Variants in RGS7 observed in about 807,000 individuals in gnomAD.
RGS7 encodes regulator of G protein signaling 7, also known as regulator of G-protein signaling 7.
A neutral mutation model predicts 81.1 loss-of-function variants in RGS7; 27 were observed. That is an observed-to-expected ratio of 0.33 (90% CI 0.25 to 0.46). The LOEUF (loss-of-function observed/expected upper bound fraction) is 0.46, where lower values mean the gene tolerates loss of function less well. Ranked by LOEUF, RGS7 falls within the 20% of genes least tolerant of loss-of-function variation. The probability of loss-of-function intolerance (pLI) is 1.00; values close to 1 mark genes in which losing one functional copy is unlikely to be tolerated. For missense variants in RGS7, 396 were observed against 607.4 expected, an observed-to-expected ratio of 0.65 and a Z score of 3.66; for synonymous variants, 208 against 207.7, an observed-to-expected ratio of 1.00 and a Z score of -0.01.
rs924137746 is a variant in RGS7 at position 241,342,131 on chromosome 1, T to C, written c.78+13568A>G. 1.1e-4 allele frequency among the ~76,000 whole-genome samples: 17 copies of C among 152,036 alleles called. 1 individual carries two copies. Among genetic ancestry groups the C allele is most frequent in the Non-Finnish European group, 2.1e-4 (14 of 67,990 alleles). ...TCAAGAAATCTGTCCACCTCAGCCTTCCAAAGTGCTGGGATTACAGGCATG... is the reference window on the plus strand; with the variant it reads ...TCAAGAAATCTGTCCACCTCAGCCTCCCAAAGTGCTGGGATTACAGGCATG... On this transcript the variant is annotated intron_variant, in intron 2 of 18. Transcript: ENST00000440928.
intron 6 of RGS7, among the ~76,000 whole-genome samples, chr1:240,905,784 G>T (rs1018105908): frequency 6.6e-6 from 1 of 152,128 alleles, no homozygotes; most frequent in African/African-American, 2.4e-5. Flanking sequence ...TTTGTTTTTG[G>T]ACTCTACCTG....
At chr1:240,964,436 C>T (rs746270066) in intron 4 of RGS7, among the ~76,000 whole-genome samples, 2 of 151,984 alleles carry the variant, frequency 1.3e-5, no homozygotes, top group African/African-American at 4.8e-5. Flanking sequence ...CAGATAGACA[C>T]GGGAATACAA....
intron 3 of RGS7, among the ~76,000 whole-genome samples, chr1:241,093,315 T>C (rs765126169): frequency 6.6e-6 from 1 of 152,314 alleles, no homozygotes; most frequent in East Asian, 1.9e-4. Context: ...AACAGTTCTG[T>C]TCCTACACCT....
chr1:241,241,829 G>A (rs770899417), intron 2 of RGS7, among the ~76,000 whole-genome samples: 8 of 152,092 alleles, frequency 5.3e-5, no homozygotes, highest in Non-Finnish European at 1.0e-4. Flanking sequence ...GAAGCAGCAG[G>A]TGAATCTAAC....
intron 2 of RGS7, among the ~76,000 whole-genome samples, chr1:241,121,215 C>T (rs556787886): frequency 1.3e-5 from 2 of 152,286 alleles, no homozygotes; most frequent in East Asian, 3.9e-4. Flanking sequence ...GGACAGATGT[C>T]AAAAACCTTT....
intron 2 of RGS7, among the ~76,000 whole-genome samples, chr1:241,233,897 C>T (rs1336379351): frequency 3.3e-5 from 5 of 151,946 alleles, no homozygotes; most frequent in African/African-American, 1.2e-4. Flanking sequence ...TCCCCTTTCT[C>T]CACATCCTCA....
At chr1:241,191,022 G>A (rs528293560) in intron 2 of RGS7, among the ~76,000 whole-genome samples, 25 of 150,958 alleles carry the variant, frequency 1.7e-4, no homozygotes, top group African/African-American at 5.8e-4. Flanking sequence ...TTGCTCTGTC[G>A]CCAGGCTGGA....
Position 240,900,064 on chromosome 1 carries a change from C to T in RGS7, c.386-29945G>A, listed in dbSNP as rs568965515. 4.6e-5 allele frequency among the ~76,000 whole-genome samples: 7 copies of T among 152,262 alleles called. No individual in the cohort carries two copies. The South Asian group carries it at 1.2e-3, about 27-fold the overall frequency. On this transcript the variant is annotated intron_variant, in intron 6 of 18. Coordinates refer to ENST00000440928, the MANE Select transcript of RGS7 (RefSeq NM_001364886.1). ...CTTCAATCACTGATACCCTTTCTTCCACTTGATCGAATCGGCTATTGAAGC... is the reference window on the plus strand; with the variant it reads ...CTTCAATCACTGATACCCTTTCTTCTACTTGATCGAATCGGCTATTGAAGC...
rs150688767 is a variant in RGS7 at position 241,207,885 on chromosome 1, T to A, written c.79-109123A>T. Among the ~76,000 whole-genome samples, 29 of 152,160 alleles carry A rather than the reference T, an allele frequency of 1.9e-4. No individual in the cohort carries two copies. The East Asian group carries it at 5.4e-3, about 28-fold the overall frequency. On this transcript the variant is annotated intron_variant, in intron 2 of 18. Coordinates refer to ENST00000440928, the MANE Select transcript of RGS7 (RefSeq NM_001364886.1). ...ACTTTCTGCTTTACTTGTTTTGGGG[T>A]TGTGTGGAGAAATGCTGACATCTTT...
chr1:241,276,543 T>G (rs1456215416), intron 2 of RGS7, among the ~76,000 whole-genome samples: 1 of 152,236 alleles, frequency 6.6e-6, no homozygotes, highest in African/African-American at 2.4e-5. Context: ...GGAGCAACGA[T>G]GACAATCTGC....
At chr1:240,871,032 G>A (rs1169445145) in intron 6 of RGS7, among the ~76,000 whole-genome samples, 1 of 152,164 alleles carries the variant, frequency 6.6e-6, no homozygotes, top group African/African-American at 2.4e-5. Context: ...GGAGAAGGTG[G>A]TGACAGCAGT....
At chr1:241,347,750 G>C (rs1388469816) in intron 2 of RGS7, among the ~76,000 whole-genome samples, 1 of 152,020 alleles carries the variant, frequency 6.6e-6, no homozygotes, top group Admixed American at 6.6e-5. Flanking sequence ...TGTTAGGAGA[G>C]TCACTCACTT....
chr1:240,930,060 C>CTT (rs1675142265), intron 6 of RGS7, among the ~76,000 whole-genome samples: 1 of 152,150 alleles, frequency 6.6e-6, no homozygotes, highest in Non-Finnish European at 1.5e-5. Flanking sequence ...ACCATGCAAT[C>CTT]TTGTCTTTGA....
intron 2 of RGS7, among the ~76,000 whole-genome samples, chr1:241,324,232 C>T (rs756336330): frequency 9.9e-5 from 15 of 151,920 alleles, no homozygotes; most frequent in Non-Finnish European, 1.8e-4. Context: ...TTATTACCAG[C>T]TTGTTCACTT....
chr1:240,807,282 AT>A (rs750660145), intron 14 of RGS7, among the ~76,000 whole-genome samples: 4 of 152,226 alleles, frequency 2.6e-5, no homozygotes, highest in Non-Finnish European at 4.4e-5. Flanking sequence ...AAATGAGTAT[AT>A]CATAATTTGT....
intron 6 of RGS7, among the ~76,000 whole-genome samples, chr1:240,897,620 C>T (rs1008673605): frequency 1.3e-5 from 2 of 152,116 alleles, no homozygotes; most frequent in African/African-American, 4.8e-5. Context: ...CCTTGCATCC[C>T]AGGGATAAAG....
At chr1:240,853,168 T>A (rs189608398) in intron 9 of RGS7, among the ~76,000 whole-genome samples, 2 of 152,208 alleles carry the variant, frequency 1.3e-5, no homozygotes, top group East Asian at 3.9e-4. Flanking sequence ...TAGAAAAAAA[T>A]AAGTATAGTA....
At chr1:240,960,217 C>CTTCTTCTTTTTTTTT (rs60911948) in intron 4 of RGS7, among the ~76,000 whole-genome samples, 5 of 8,956 alleles carry the variant, frequency 5.6e-4, no homozygotes, top group East Asian at 6.4e-3. Flanking sequence ...TCTTCTTCTT[C>CTTCTTCTTTTTTTTT]TTTTTTTTTT....
rs550016071 is a variant in RGS7, at chr1:241,130,759, A to G, written c.79-31997T>C. 2.6e-4 allele frequency among the ~76,000 whole-genome samples: 35 copies of G among 134,476 alleles called. 1 individual carries two copies. In the South Asian group the frequency reaches 3.6e-3, roughly 14 times the overall value. 88.2% of individuals were successfully genotyped at this position (134,476 alleles called of 152,430 possible). A position where few individuals can be genotyped will look rare whatever the true frequency, so the allele number is the denominator to read the frequency against. On this transcript the variant is annotated intron_variant, in intron 2 of 18. Coordinates refer to ENST00000440928, the MANE Select transcript of RGS7 (RefSeq NM_001364886.1). ...TAACTTCCCTGAGCATTGCTTTCTT[A>G]TCTGAACCTCTAAGGATTGGATTTG...
Sources: gnomAD v4.1 joint callset for allele counts (sites outside exome capture counted in the v4.1 genomes callset) on GRCh38, gnomAD v4.1.1 for gene constraint, MANE v1.5 for transcripts, NCBI Gene and HGNC (gene_info 2026-07-23, HGNC 2026-07-21) for gene names.